The following RFX3 variants were observed in gnomAD, a reference collection of about 807,000 sequenced individuals.
The protein encoded by RFX3 is regulatory factor X3.
RFX3 carries 14 observed loss-of-function variants against 98.6 expected under a neutral mutation model. The observed-to-expected ratio is 0.14, with a 90% CI of 0.09 to 0.22. RFX3 has a LOEUF of 0.22. Ranked by LOEUF, RFX3 falls within the 10% of genes least tolerant of loss-of-function variation. The probability of loss-of-function intolerance (pLI) is 1.00; values close to 1 mark genes in which losing one functional copy is unlikely to be tolerated. For synonymous variants in RFX3, 383 were observed against 328.4 expected (o/e 1.17, Z -1.80); for missense variants, 639 against 926.9 (o/e 0.69, Z 4.03).
At chr9:3,367,409 C>A (rs1372611383) in intron 2 of RFX3, among the ~76,000 whole-genome samples, 2 of 152,176 alleles carry the variant, frequency 1.3e-5, no homozygotes, top group African/African-American at 4.8e-5. Flanking sequence ...TCCCCAGGAT[C>A]TCTAAACAAA....
chr9:3,328,248 G>A (rs548351834), intron 4 of RFX3, among the ~76,000 whole-genome samples: 6 of 152,218 alleles, frequency 3.9e-5, no homozygotes, highest in African/African-American at 1.4e-4. Flanking sequence ...TGGCCTATAG[G>A]AGGAGTGCTA....
At chr9:3,303,011 G>A (rs529071218) in intron 4 of RFX3, among the ~76,000 whole-genome samples, 76 of 151,802 alleles carry the variant, frequency 5.0e-4, no homozygotes, top group African/African-American at 1.8e-3. Flanking sequence ...TTAATTCATA[G>A]GAAGATGTAA....
intron 14 of RFX3, among the ~76,000 whole-genome samples, chr9:3,250,802 T>G (rs141389096): frequency 8.9e-4 from 135 of 152,128 alleles, no homozygotes; most frequent in African/African-American, 3.1e-3. Flanking sequence ...ACAAAGATGT[T>G]TATAATATAA....
intron 3 of RFX3, among the ~76,000 whole-genome samples, chr9:3,342,373 T>G (rs191337328): frequency 6.6e-6 from 1 of 152,148 alleles, no homozygotes. Context: ...GTACAATGGA[T>G]CATGGTATGA....
At chr9:3,435,121 G>A (rs1763988444) in intron 1 of RFX3, among the ~76,000 whole-genome samples, 1 of 151,866 alleles carries the variant, frequency 6.6e-6, no homozygotes, top group African/African-American at 2.4e-5. Flanking sequence ...GTGAGTCAAC[G>A]AGTGAGTGAA....
chr9:3,327,812 A>G (rs573494979), intron 4 of RFX3, among the ~76,000 whole-genome samples: 3 of 152,264 alleles, frequency 2.0e-5, no homozygotes, highest in South Asian at 4.1e-4. Context: ...TCACACATCA[A>G]ATTTGTATAA....
intron 14 of RFX3, among the ~76,000 whole-genome samples, chr9:3,249,347 T>G (rs1821087903): frequency 6.6e-6 from 1 of 152,202 alleles, no homozygotes; most frequent in East Asian, 1.9e-4. Context: ...AAGCCTTGAA[T>G]TCTGATTCTG....
At chr9:3,361,139 C>T (rs944342235) in intron 2 of RFX3, among the ~76,000 whole-genome samples, 5 of 151,994 alleles carry the variant, frequency 3.3e-5, no homozygotes, top group Non-Finnish European at 7.4e-5. Context: ...AGAACAGTTA[C>T]GGTAGAGGCT....
intron 1 of RFX3, among the ~76,000 whole-genome samples, chr9:3,424,052 CAGG>C (rs1164996177): frequency 2.7e-5 from 4 of 150,814 alleles, no homozygotes; most frequent in Non-Finnish European, 5.9e-5. Flanking sequence ...GAGGCTGAGG[CAGG>C]AGAATGACGT....
At chr9:3,325,946 G>A (rs563369373) in intron 4 of RFX3, among the ~76,000 whole-genome samples, 109 of 152,238 alleles carry the variant, frequency 7.2e-4, no homozygotes, top group African/African-American at 2.5e-3. Flanking sequence ...AATTATGACT[G>A]TAGCCAATTC....
At chr9:3,410,459 G>C (rs898627224) in intron 1 of RFX3, among the ~76,000 whole-genome samples, 2 of 151,812 alleles carry the variant, frequency 1.3e-5, no homozygotes, top group Admixed American at 6.6e-5. Flanking sequence ...AAACCAAAAA[G>C]ACTAATTTCT....
Position 3,248,127 on chromosome 9 carries a change from G to A in RFX3, c.1873C>T (p.Leu625=), listed in dbSNP as rs567197561. The A allele has an allele frequency of 6.2e-7, 1 of 1,613,802 alleles. No individual in the cohort carries two copies. Among genetic ancestry groups the A allele is most frequent in the African/African-American group, 1.3e-5 (1 of 75,020 alleles). ...TATTCGTCGTAGAGTAGACGGATCA[G>A]GTGGAAGGAGCCAAAGCTAGCAGCA... ...RSAASFGSFH[L]IRLLYDEYMF... The change falls in exon 15 of 17, where the codon CTG becomes TTG. Residue 625 remains leucine (L), a synonymous_variant. Transcript: ENST00000617270.
intron 1 of RFX3, among the ~76,000 whole-genome samples, chr9:3,505,601 G>A (rs1373395838): frequency 1.3e-5 from 2 of 149,564 alleles, no homozygotes; most frequent in Non-Finnish European, 3.0e-5. Flanking sequence ...TAACAGGAAG[G>A]CCAGCAGCTA....
intron 14 of RFX3, among the ~76,000 whole-genome samples, chr9:3,251,806 A>G (rs1293255197): frequency 6.6e-6 from 1 of 152,002 alleles, no homozygotes; most frequent in Non-Finnish European, 1.5e-5. Flanking sequence ...GTCTTTCTTT[A>G]TATATTTCTA....
intron 1 of RFX3, among the ~76,000 whole-genome samples, chr9:3,524,067 T>C (rs969565581): frequency 2.0e-4 from 29 of 146,010 alleles, no homozygotes; most frequent in Admixed American, 1.9e-3. Context: ...GTTAAATCAA[T>C]ATATGTTTGC....
intron 2 of RFX3, among the ~76,000 whole-genome samples, chr9:3,359,538 G>A (rs1395305305): frequency 6.6e-6 from 1 of 152,096 alleles, no homozygotes; most frequent in East Asian, 1.9e-4. Context: ...GATGGGAAAT[G>A]AGAATAAGAG....
intron 8 of RFX3, 143 bp from the exon 9 acceptor site, chr9:3,275,755 A>G (rs1825124989): frequency 5.6e-6 from 3 of 531,036 alleles, no homozygotes; most frequent in Admixed American, 3.3e-5. Context: ...TTATATTAAT[A>G]TTTTACAAGT....
At chr9:3,460,051 T>C (rs982438101) in intron 1 of RFX3, among the ~76,000 whole-genome samples, 3 of 152,030 alleles carry the variant, frequency 2.0e-5, no homozygotes, top group Non-Finnish European at 4.4e-5. Flanking sequence ...ATGTTCAACT[T>C]CAAAAGATGG....
chr9:3,387,480 G>C (rs1256732017), intron 2 of RFX3, among the ~76,000 whole-genome samples: 2 of 151,972 alleles, frequency 1.3e-5, no homozygotes, highest in African/African-American at 4.8e-5. Flanking sequence ...TCAACAAAAG[G>C]GCCTTAATAT....
Sources: allele counts gnomAD v4.1 joint callset (sites outside exome capture counted in the v4.1 genomes callset), GRCh38; gene constraint gnomAD v4.1.1; transcripts MANE v1.5; gene names NCBI Gene and HGNC (gene_info 2026-07-23, HGNC 2026-07-21).